PCDH9: variants seen among roughly 807,000 people sequenced by gnomAD.
PCDH9 encodes protocadherin-9.
PCDH9 carries 24 observed loss-of-function variants against 70.6 expected under a neutral mutation model. The ratio of observed to expected loss-of-function variants is 0.34; its 90% CI spans 0.25 to 0.48. The LOEUF (loss-of-function observed/expected upper bound fraction) is 0.48, where lower values mean the gene tolerates loss of function less well. Among genes scored for constraint, PCDH9 ranks in the 20% least tolerant of loss-of-function variants. The pLI, the probability that PCDH9 is intolerant of heterozygous loss-of-function variation, is 0.99. For missense variants in PCDH9, 1,281 were observed against 1,503.6 expected, an observed-to-expected ratio of 0.85 and a Z score of 2.45; for synonymous variants, 562 against 558.5, an observed-to-expected ratio of 1.01 and a Z score of -0.09.
chr13:66,849,517 T>TATATATATATAGAGAG (rs1272589939), intron 3 of PCDH9, among the ~76,000 whole-genome samples: 5 of 63,576 alleles, frequency 7.9e-5, no homozygotes, highest in Non-Finnish European at 1.0e-4. Flanking sequence ...TATATATATA[T>TATATATATATAGAGAG]AGAGAGAGAG....
At chr13:66,939,107 T>C (rs1301571192) in intron 2 of PCDH9, among the ~76,000 whole-genome samples, 4 of 152,124 alleles carry the variant, frequency 2.6e-5, no homozygotes, top group Non-Finnish European at 5.9e-5. Flanking sequence ...CAGGTTGTCC[T>C]GTATTTTAAT....
chr13:66,758,837 T>A (rs1158597698), intron 3 of PCDH9, among the ~76,000 whole-genome samples: 2 of 152,178 alleles, frequency 1.3e-5, no homozygotes, highest in East Asian at 3.9e-4. Flanking sequence ...TATTTCTTCA[T>A]AACTCAATCT....
chr13:66,880,539 C>T (rs555973205), intron 3 of PCDH9, among the ~76,000 whole-genome samples: 1 of 152,158 alleles, frequency 6.6e-6, no homozygotes, highest in Non-Finnish European at 1.5e-5. Flanking sequence ...GGAAAACCAG[C>T]TTACATTTAA....
chr13:67,041,841 A>AAAAAAG (rs2085122093), intron 2 of PCDH9, among the ~76,000 whole-genome samples: 1 of 151,762 alleles, frequency 6.6e-6, no homozygotes, highest in Admixed American at 6.6e-5. Context: ...AAAAAAAAAA[A>AAAAAAG]AAAAAAGAAA....
At chr13:66,369,288 A>T (rs1956605894) in intron 4 of PCDH9, among the ~76,000 whole-genome samples, 1 of 152,146 alleles carries the variant, frequency 6.6e-6, no homozygotes, top group South Asian at 2.1e-4. Flanking sequence ...TTTATTTAGC[A>T]TAAATCAGGA....
chr13:66,577,633 C>G lies in PCDH9; in HGVS notation c.3340+53577G>C, dbSNP rs530382218. Among the ~76,000 whole-genome samples the G allele has an allele frequency of 3.3e-5, 5 of 151,982 alleles. No individual in the cohort carries two copies. In the South Asian group the frequency reaches 1.0e-3, roughly 32 times the overall value. On this transcript the variant is annotated intron_variant, in intron 4 of 4. Coordinates refer to ENST00000377865, the MANE Select transcript of PCDH9 (RefSeq NM_203487.3). ...TCTATTACTTTTGTACCCCACTCCC[C>G]GCCCCCCTAACACACACAAATTGAA...
chr13:66,600,333 G>A (rs1202455457), intron 4 of PCDH9, among the ~76,000 whole-genome samples: 1 of 151,810 alleles, frequency 6.6e-6, no homozygotes, highest in Non-Finnish European at 1.5e-5. Context: ...GAACCACGAA[G>A]TCTACTGAGG....
At chr13:66,771,322 C>T (rs1594037183) in intron 3 of PCDH9, among the ~76,000 whole-genome samples, 1 of 152,068 alleles carries the variant, frequency 6.6e-6, no homozygotes, top group South Asian at 2.1e-4. Flanking sequence ...TTTTCTTTTT[C>T]CTTTCCTCCA....
intron 3 of PCDH9, among the ~76,000 whole-genome samples, chr13:66,748,644 T>C (rs2079409497): frequency 6.6e-6 from 1 of 152,174 alleles, no homozygotes. Flanking sequence ...TCTTGAGAGC[T>C]TAGGAAAGAG....
chr13:67,060,690 G>C (rs1245727955), intron 2 of PCDH9, among the ~76,000 whole-genome samples: 1 of 151,842 alleles, frequency 6.6e-6, no homozygotes, highest in African/African-American at 2.4e-5. Context: ...CCCCAAATTA[G>C]TTTCCTTAAA....
chr13:66,900,579 T>G (rs917780935), intron 3 of PCDH9, among the ~76,000 whole-genome samples: 3 of 151,796 alleles, frequency 2.0e-5, no homozygotes, highest in Non-Finnish European at 4.4e-5. Flanking sequence ...GATATAACAT[T>G]TCTCTATAAG....
chr13:67,065,143 A>G (rs139857673), intron 2 of PCDH9, among the ~76,000 whole-genome samples: 152 of 152,248 alleles, frequency 1.0e-3, no homozygotes, highest in African/African-American at 3.6e-3. Flanking sequence ...AGAGTGAAGC[A>G]TGCTTACATG....
intron 2 of PCDH9, among the ~76,000 whole-genome samples, chr13:67,040,924 G>A (rs1309994278): frequency 1.3e-5 from 2 of 152,132 alleles, no homozygotes; most frequent in African/African-American, 4.8e-5. Context: ...AGAATGAGAA[G>A]TGAAGTCACA....
intron 3 of PCDH9, among the ~76,000 whole-genome samples, chr13:66,699,281 A>C (rs939776288): frequency 5.3e-5 from 8 of 152,140 alleles, no homozygotes; most frequent in African/African-American, 1.9e-4. Context: ...ACTAGAAATC[A>C]TGTGACAAAT....
chr13:66,375,032 G>C (rs370598823), intron 4 of PCDH9, among the ~76,000 whole-genome samples: 35 of 152,174 alleles, frequency 2.3e-4, no homozygotes, highest in African/African-American at 8.4e-4. Flanking sequence ...TTAAAGGCCA[G>C]TCAGAGATTA....
chr13:66,981,119 A>T (rs188960532), intron 2 of PCDH9, among the ~76,000 whole-genome samples: 1 of 152,328 alleles, frequency 6.6e-6, no homozygotes, highest in Non-Finnish European at 1.5e-5. Flanking sequence ...TTTACAGAAT[A>T]TAATAAAATA....
At chr13:66,646,264 G>T (rs1368354573) in intron 3 of PCDH9, among the ~76,000 whole-genome samples, 1 of 152,180 alleles carries the variant, frequency 6.6e-6, no homozygotes, top group African/African-American at 2.4e-5. Context: ...AATGCTGGGT[G>T]CTTAATAATG....
chr13:66,923,029 G>C lies in PCDH9; in HGVS notation c.3037-19424C>G, dbSNP rs530671682. Among the ~76,000 whole-genome samples, 7 of 151,250 alleles carry C rather than the reference G, an allele frequency of 4.6e-5. No individual in the cohort carries two copies. The South Asian group carries it at 6.3e-4, about 14-fold the overall frequency. On this transcript the variant is annotated intron_variant, in intron 2 of 4. Coordinates refer to ENST00000377865, the MANE Select transcript of PCDH9 (RefSeq NM_203487.3). ...TTGAAAGGGATGAGAATATTTATAC[G>C]TAAGTCAAAAACTGAAAATAAAACA...
intron 4 of PCDH9, among the ~76,000 whole-genome samples, chr13:66,348,083 T>G (rs1402218140): frequency 6.6e-6 from 1 of 152,210 alleles, no homozygotes; most frequent in Non-Finnish European, 1.5e-5. Context: ...CTTCTTCACA[T>G]TCATTCCTTT....
Sources: gnomAD v4.1 joint callset for allele counts (sites outside exome capture counted in the v4.1 genomes callset) on GRCh38, gnomAD v4.1.1 for gene constraint, MANE v1.5 for transcripts, NCBI Gene and HGNC (gene_info 2026-07-23, HGNC 2026-07-21) for gene names.